TAF1: variants seen among roughly 807,000 people sequenced by gnomAD.
The protein encoded by TAF1 is TATA-box binding protein associated factor 1.
Under a neutral mutation model 138.5 loss-of-function variants are expected in TAF1, and 2 were observed. The observed-to-expected ratio is 0.01, with a 90% CI of 0.01 to 0.05. The LOEUF (loss-of-function observed/expected upper bound fraction) is 0.05, where lower values mean the gene tolerates loss of function less well. Ranked by LOEUF, TAF1 falls within the 10% of genes least tolerant of loss-of-function variation. TAF1 has a pLI of 1.00. For synonymous variants in TAF1, 437 were observed against 503.2 expected (o/e 0.87, Z 1.76); for missense variants, 709 against 1,478.0 (o/e 0.48, Z 8.53).
chrX:71,440,208 T>G lies in TAF1; in HGVS notation c.4754-13962T>G, dbSNP rs778444832. Among the ~76,000 whole-genome samples the G allele has an allele frequency of 3.6e-5, 4 of 111,911 alleles. No individual in the cohort carries two copies. In the East Asian group the frequency reaches 1.1e-3, roughly 31 times the overall value. ...ATGGAATAGTATAATATGTAACCATTTGAGATTGACTTTTTTCGCAAAGCA... is the reference window on the plus strand; with the variant it reads ...ATGGAATAGTATAATATGTAACCATGTGAGATTGACTTTTTTCGCAAAGCA... On this transcript the variant is annotated intron_variant, in intron 32 of 37. Transcript: ENST00000423759.
At chrX:71,417,457 G>A (rs749475953) in intron 28 of TAF1, among the ~76,000 whole-genome samples, 32 of 110,831 alleles carry the variant, frequency 2.9e-4, no homozygotes, top group South Asian at 1.9e-3. Context: ...CCCTGGGCTC[G>A]ATGATTCTCC....
intron 28 of TAF1, chrX:71,420,159 T>G: frequency 1.9e-6 from 1 of 521,298 alleles, no homozygotes; most frequent in African/African-American, 2.3e-5. Context: ...AAAACCACTG[T>G]GGAATCGAGA....
Position 71,423,274 on chromosome X carries a change from G to A in TAF1, c.4575+35G>A, listed in dbSNP as rs202120952. Reference sequence around the variant, plus strand: ...CTCTGTGCCAAATACTGTGAGGATCGTGCAGGGGAAAGGAAAAATGTTTAG... The same window carrying A: ...CTCTGTGCCAAATACTGTGAGGATCATGCAGGGGAAAGGAAAAATGTTTAG... On this transcript the variant is annotated intron_variant, in intron 30 of 37. Transcript: ENST00000423759. The A allele has an allele frequency of 1.1e-4, 127 of 1,207,791 alleles. No individual in the cohort carries two copies. In the African/African-American group the frequency reaches 1.8e-3, roughly 17 times the overall value.
Position 71,388,887 on chromosome X carries a change from G to A in TAF1, c.2700+19G>A. ...ACTGAAGGTGAACACCTTCCTCTTA[G>A]ACACCACTTATGCCTGTGGTTTTTT... On this transcript the variant is annotated intron_variant, in intron 17 of 37. Transcript: ENST00000423759. The A allele has an allele frequency of 8.4e-7, 1 of 1,194,823 alleles. No homozygotes were observed. Among genetic ancestry groups the A allele is most frequent in the Non-Finnish European group, 1.1e-6 (1 of 886,053 alleles).
rs2038509738 is a variant in TAF1, at chrX:71,460,608, A to G, written c.5222-18A>G. 5.0e-6 allele frequency: 6 copies of G among 1,209,498 alleles called. No homozygotes were observed. The highest frequency in any genetic ancestry group is 6.7e-6 in the Non-Finnish European group (6 of 894,359). On this transcript the variant is annotated intron_variant, in intron 36 of 37. Transcript: ENST00000423759. ...CAAGCTTAACTCTTGATGACCCAGA[A>G]TCTGTCTCTTTTTACAGCTATCCAG...
At chrX:71,445,370 T>C (rs1408699621) in intron 32 of TAF1, among the ~76,000 whole-genome samples, 1 of 110,543 alleles carries the variant, frequency 9.0e-6, no homozygotes, top group Non-Finnish European at 1.9e-5. Context: ...TTTCCTAAAA[T>C]TTTACAGTTG....
At chrX:71,522,652 T>A (rs1416016871) in intron 13 of TAF1, among the ~76,000 whole-genome samples, 3 of 16,593 alleles carry the variant, frequency 1.8e-4, no homozygotes, top group Admixed American at 7.2e-4. Flanking sequence ...ATGAGAACTT[T>A]AGTGTTCTTT....
At chrX:71,499,315 G>T (rs912404659) in intron 13 of TAF1, among the ~76,000 whole-genome samples, 4 of 111,863 alleles carry the variant, frequency 3.6e-5, no homozygotes, top group Non-Finnish European at 3.8e-5. Flanking sequence ...TTCCTTTTCG[G>T]CCTGTTCCTC....
chrX:71,463,212 T>C (rs1000547679), intron 37 of TAF1, among the ~76,000 whole-genome samples: 4 of 111,760 alleles, frequency 3.6e-5, no homozygotes, highest in Middle Eastern at 9.2e-3. Context: ...GATGGAGTTA[T>C]TGATTTTTTT....
rs1323786888 is a variant in TAF1, at chrX:71,398,611, G to C, written c.3660G>C (p.Glu1220Asp). Residue 1220 changes from glutamate (E) to aspartate (D), a missense_variant, in exon 24 of 38, where the codon GAG becomes GAC. Coordinates refer to ENST00000423759, the MANE Select transcript of TAF1 (RefSeq NM_004606.5). Reference protein sequence around the residue: ...FALFDEQHREEMRKERRRIQE... With the variant: ...FALFDEQHREDMRKERRRIQE... ...TTTTTGATGAACAACATCGGGAAGAGATGCGAAAAGAACGGCGGAGGATTC... is the reference window on the plus strand; with the variant it reads ...TTTTTGATGAACAACATCGGGAAGACATGCGAAAAGAACGGCGGAGGATTC... 8.3e-6 allele frequency: 10 copies of C among 1,211,468 alleles called. No individual in the cohort carries two copies. Among genetic ancestry groups the C allele is most frequent in the Non-Finnish European group, 1.0e-5 (9 of 895,526 alleles).
chrX:71,436,038 C>CTTTT (rs780566468), intron 32 of TAF1, among the ~76,000 whole-genome samples: 7 of 78,420 alleles, frequency 8.9e-5, no homozygotes, highest in African/African-American at 1.6e-4. Context: ...ATGCTACCTC[C>CTTTT]TTTTTTTTTT....
At position 71,445,428 on chromosome X, in the gene TAF1, G is replaced by GTAATTAA. The variant is rs779436553; in HGVS notation, c.4754-8742_4754-8741insTAATTAA. Among the ~76,000 whole-genome samples, 4 of 110,737 alleles carry GTAATTAA rather than the reference G, an allele frequency of 3.6e-5. No homozygotes were observed. In the East Asian group the frequency reaches 1.1e-3, roughly 31 times the overall value. On this transcript the variant is annotated intron_variant, in intron 32 of 37. Transcript: ENST00000423759. ...TGATCCGTTGTTAATTACTTTTTGT[G>GTAATTAA]CACAGTTTGAAGTATAGGTTGAAGT...
At chrX:71,385,844 T>C (rs2034185142) in intron 14 of TAF1, among the ~76,000 whole-genome samples, 1 of 112,199 alleles carries the variant, frequency 8.9e-6, no homozygotes, top group African/African-American at 3.2e-5. Flanking sequence ...TCTTCTTTTG[T>C]GGCTACTTTT....
chrX:71,508,400 G>A (rs769457429), intron 13 of TAF1, among the ~76,000 whole-genome samples: 16 of 107,442 alleles, frequency 1.5e-4, no homozygotes, highest in South Asian at 4.1e-4. Context: ...GACCAGCCTC[G>A]GCAACATAAC....
At chrX:71,508,066 T>TTCTCTCTCTCTCTCTCTCTC (rs369650229) in intron 13 of TAF1, among the ~76,000 whole-genome samples, 18 of 83,530 alleles carry the variant, frequency 2.2e-4, no homozygotes, top group African/African-American at 4.6e-4. Context: ...TATATGAATA[T>TTCTCTCTCTCTCTCTCTCTC]TCTCTCTCTC....
chrX:71,507,662 C>G (rs1349442284), intron 13 of TAF1, among the ~76,000 whole-genome samples: 2 of 110,332 alleles, frequency 1.8e-5, no homozygotes, highest in African/African-American at 6.6e-5. Context: ...CCTGTGTTGT[C>G]CAGGCTGGTG....
chrX:71,367,564 G>A lies in TAF1; in HGVS notation c.186G>A (p.Thr62=), dbSNP rs754759396. The change falls in exon 2 of 38, where the codon ACG becomes ACA. Residue 62 remains threonine, a synonymous_variant. Transcript: ENST00000423759. ...LGLGSLITEL[T]ANEELTGTDG... ...TGGGCAGCCTGATCACTGAACTCAC[G>A]GCAAATGAAGAATTGACCGGGACTG... 7.4e-6 allele frequency: 9 copies of A among 1,209,754 alleles called. No homozygotes were observed. In the East Asian group the frequency reaches 2.1e-4, roughly 28 times the overall value.
At chrX:71,458,165 A>G (rs2038389043) in intron 34 of TAF1, 76 bp from the exon 35 acceptor site, 1 of 1,113,646 alleles carries the variant, frequency 9.0e-7, no homozygotes, top group African/African-American at 1.8e-5. Flanking sequence ...TCTCCAGTAA[A>G]TGCCTTAAAG....
intron 13 of TAF1, among the ~76,000 whole-genome samples, chrX:71,522,751 CTT>C (rs1482269110): frequency 1.6e-4 from 9 of 57,067 alleles, no homozygotes. Flanking sequence ...TGTGATAAAA[CTT>C]TTGATTTAAA....
Sources: gnomAD v4.1 joint callset for allele counts (sites outside exome capture counted in the v4.1 genomes callset) on GRCh38, gnomAD v4.1.1 for gene constraint, MANE v1.5 for transcripts, NCBI Gene and HGNC (gene_info 2026-07-23, HGNC 2026-07-21) for gene names.